Variants in BTG4 observed in about 807,000 individuals in gnomAD.
BTG4 encodes protein BTG4.
Under a neutral mutation model 19.3 loss-of-function variants are expected in BTG4, and 10 were observed. That is an observed-to-expected ratio of 0.52 (90% CI 0.32 to 0.88). The LOEUF is 0.88. Ranked by LOEUF, BTG4 falls within the 40% of genes least tolerant of loss-of-function variation. BTG4 has a pLI of 0.04. For missense variants in BTG4, 238 were observed against 281.9 expected, an observed-to-expected ratio of 0.84 and a Z score of 1.11; for synonymous variants, 91 against 95.7, an observed-to-expected ratio of 0.95 and a Z score of 0.29.
chr11:111,455,309 T>C, the BTG4 span: 3 of 315,412 alleles, frequency 9.5e-6, no homozygotes, highest in Non-Finnish European at 1.9e-5. Flanking sequence ...CCAAGGTGAG[T>C]GGGGTGTCCC....
the BTG4 span, among the ~76,000 whole-genome samples, chr11:111,412,833 A>G: frequency 1.3e-5 from 2 of 152,264 alleles, no homozygotes; most frequent in South Asian, 2.1e-4. Context: ...AACTAATTTT[A>G]TCATAAAACT....
the BTG4 span, among the ~76,000 whole-genome samples, chr11:111,428,672 G>A: frequency 5.3e-5 from 8 of 152,138 alleles, no homozygotes; most frequent in African/African-American, 1.2e-4. Flanking sequence ...ACTTCTCTAC[G>A]CAGAGTTACT....
chr11:111,464,136 A>T (rs1242372892), downstream of BTG4, among the ~76,000 whole-genome samples: 1 of 152,160 alleles, frequency 6.6e-6, no homozygotes, highest in Non-Finnish European at 1.5e-5. Context: ...AGCTGGGATT[A>T]CAGGTGTGCG....
At position 111,498,672 on chromosome 11, in the gene BTG4, C is replaced by A; in HGVS notation, c.105G>T (p.Met35Ile). The part of the protein sequence containing the change: ...QQIEDFAEKL[M>I]TILFETYRSH... ...TTCTGTATGTTTCAAACAAGATCGT[C>A]ATCAGCTTTTCTGCAAAGTCTTCTA... The change falls in exon 2 of 5, where the codon ATG becomes ATT. Residue 35 changes from methionine to isoleucine, a missense_variant. Met to Ile is a conservative substitution (Grantham distance 10). Coordinates refer to ENST00000692032, the MANE Select transcript of BTG4 (RefSeq NM_001367975.1). 1 of 1,613,888 alleles carries A rather than the reference C, an allele frequency of 6.2e-7. No individual in the cohort carries two copies. Among genetic ancestry groups the A allele is most frequent in the South Asian group, 1.1e-5 (1 of 91,004 alleles).
the BTG4 span, among the ~76,000 whole-genome samples, chr11:111,436,632 A>G: frequency 5.8e-5 from 1 of 17,276 alleles, no homozygotes; most frequent in East Asian, 1.9e-3. Flanking sequence ...CGTCTCAAAA[A>G]AAGAAAAAAA....
chr11:111,428,572 A>G, the BTG4 span, among the ~76,000 whole-genome samples: 12 of 152,208 alleles, frequency 7.9e-5, no homozygotes, highest in Non-Finnish European at 1.6e-4. Flanking sequence ...ACAATCAGGT[A>G]TCAACAGGTT....
chr11:111,514,676 C>G, upstream of BTG4: 1 of 836,108 alleles, frequency 1.2e-6, no homozygotes, highest in Non-Finnish European at 1.8e-6. Flanking sequence ...CCTAGGAAAC[C>G]GAGGGCAGCC....
downstream of BTG4, chr11:111,494,687 A>G (rs1050858017): frequency 5.6e-6 from 1 of 180,106 alleles, no homozygotes; most frequent in Non-Finnish European, 1.1e-5. Context: ...ACACTTTGGG[A>G]GGCCGAGACA....
chr11:111,392,169 CTTTTTTTTTTT>C, the BTG4 span, among the ~76,000 whole-genome samples: 1,779 of 85,454 alleles, frequency 0.021, 54 homozygotes, highest in African/African-American at 0.079. Flanking sequence ...CTGTGATTTT[CTTTTTTTTTTT>C]TTTTTTTTTT....
the BTG4 span, among the ~76,000 whole-genome samples, chr11:111,458,468 T>C: frequency 1.3e-5 from 2 of 152,294 alleles, no homozygotes; most frequent in East Asian, 3.9e-4. Flanking sequence ...TTATGGAGCA[T>C]ACATTCTCTT....
the BTG4 span, among the ~76,000 whole-genome samples, chr11:111,427,538 C>A: frequency 2.6e-5 from 4 of 152,110 alleles, no homozygotes; most frequent in Non-Finnish European, 5.9e-5. Context: ...GCTAATCCAC[C>A]CTTTATAACT....
chr11:111,422,076 G>A, the BTG4 span, among the ~76,000 whole-genome samples: 3 of 152,214 alleles, frequency 2.0e-5, no homozygotes, highest in Admixed American at 6.5e-5. Flanking sequence ...TGCACCAAGA[G>A]AGAATCTCTA....
At chr11:111,398,874 A>G in the BTG4 span, among the ~76,000 whole-genome samples, 8 of 152,150 alleles carry the variant, frequency 5.3e-5, no homozygotes, top group African/African-American at 1.9e-4. Flanking sequence ...CTGCAAGGCC[A>G]AGGTTGAGAA....
intron 3 of BTG4, among the ~76,000 whole-genome samples, chr11:111,497,619 A>T (rs1865816159): frequency 6.6e-6 from 1 of 152,164 alleles, no homozygotes; most frequent in African/African-American, 2.4e-5. Flanking sequence ...AACAAAGACT[A>T]GTTTCTTTTG....
downstream of BTG4, among the ~76,000 whole-genome samples, chr11:111,464,145 C>T (rs188112878): frequency 1.2e-3 from 178 of 152,140 alleles, no homozygotes; most frequent in African/African-American, 4.0e-3. Context: ...TACAGGTGTG[C>T]GCCACCATGC....
At chr11:111,484,292 A>T in intron 5 of BTG4, among the ~76,000 whole-genome samples, 1 of 152,180 alleles carries the variant, frequency 6.6e-6, no homozygotes, top group East Asian at 1.9e-4. Flanking sequence ...ATTACTCGTA[A>T]AAGTACACAG....
chr11:111,468,534 C>G (rs1194138787), intron 5 of BTG4, among the ~76,000 whole-genome samples: 2 of 152,224 alleles, frequency 1.3e-5, no homozygotes, highest in Non-Finnish European at 2.9e-5. Flanking sequence ...AGCTGCCACT[C>G]ACAGCTGAGT....
chr11:111,418,557 G>A, the BTG4 span, among the ~76,000 whole-genome samples: 22 of 152,328 alleles, frequency 1.4e-4, no homozygotes, highest in East Asian at 1.2e-3. Context: ...CAGAGGGCGG[G>A]ACCAACGATG....
At chr11:111,426,799 T>C in the BTG4 span, among the ~76,000 whole-genome samples, 1 of 152,206 alleles carries the variant, frequency 6.6e-6, no homozygotes, top group African/African-American at 2.4e-5. Context: ...CCCGGGCAGG[T>C]TTGGCACAGC....
Sources: allele counts gnomAD v4.1 joint callset (sites outside exome capture counted in the v4.1 genomes callset), GRCh38; gene constraint gnomAD v4.1.1; transcripts MANE v1.5; gene names NCBI Gene and HGNC (gene_info 2026-07-23, HGNC 2026-07-21).